Variants in LRRC4C observed in about 807,000 individuals in gnomAD.
The protein encoded by LRRC4C is leucine rich repeat containing 4C, also known as leucine-rich repeat-containing protein 4C.
A neutral mutation model predicts 33.6 loss-of-function variants in LRRC4C; 5 were observed. The observed-to-expected ratio is 0.15, with a 90% confidence interval of 0.08 to 0.31. The LOEUF (loss-of-function observed/expected upper bound fraction) is 0.31. Ranked by LOEUF, LRRC4C falls within the 10% of genes least tolerant of loss-of-function variation. The pLI is 1.00. For synonymous variants in LRRC4C, 329 were observed against 302.0 expected, an observed-to-expected ratio of 1.09 and a Z score of -0.93; for missense variants, 560 against 796.7, an observed-to-expected ratio of 0.70 and a Z score of 3.58.
chr11:40,837,679 A>G (rs1018755636), intron 2 of LRRC4C, among the ~76,000 whole-genome samples: 3 of 17,032 alleles, frequency 1.8e-4, no homozygotes, highest in Non-Finnish European at 5.7e-4. Context: ...GTCTCTTCAA[A>G]AAAAAAAAAA....
At chr11:41,192,334 G>T (rs983458461) in intron 1 of LRRC4C, among the ~76,000 whole-genome samples, 2 of 151,614 alleles carry the variant, frequency 1.3e-5, no homozygotes, top group East Asian at 1.9e-4. Flanking sequence ...GTGTGTGTGT[G>T]TGTGTGTGTG....
intron 2 of LRRC4C, among the ~76,000 whole-genome samples, chr11:40,877,426 G>A (rs563739512): frequency 4.3e-4 from 66 of 152,106 alleles, no homozygotes; most frequent in Non-Finnish European, 8.2e-4. Context: ...TTGTTGCCTC[G>A]TTGTCAACAT....
intron 2 of LRRC4C, among the ~76,000 whole-genome samples, chr11:40,672,347 C>T (rs1206280245): frequency 6.6e-6 from 1 of 152,154 alleles, no homozygotes; most frequent in Non-Finnish European, 1.5e-5. Context: ...AATGCCTCAG[C>T]TCCTAATACC....
chr11:40,682,246 G>T (rs1944725728), intron 2 of LRRC4C, among the ~76,000 whole-genome samples: 1 of 151,148 alleles, frequency 6.6e-6, no homozygotes, highest in Non-Finnish European at 1.5e-5. Context: ...CTCCAGCCTG[G>T]GTGACAAAGT....
intron 4 of LRRC4C, among the ~76,000 whole-genome samples, chr11:40,246,835 T>C (rs1043422539): frequency 2.6e-5 from 4 of 152,304 alleles, no homozygotes; most frequent in African/African-American, 9.6e-5. Flanking sequence ...GTCAGATATA[T>C]GTTCATATTT....
intron 1 of LRRC4C, among the ~76,000 whole-genome samples, chr11:41,265,878 T>TA (rs11397900): frequency 0.69 from 103,960 of 149,888 alleles, 36,656 homozygotes; most frequent in Admixed American, 0.8. Context: ...TTTCTTTTTT[T>TA]AAAAAAAAAA....
At chr11:41,086,347 T>A (rs1208287530) in intron 1 of LRRC4C, among the ~76,000 whole-genome samples, 1 of 152,166 alleles carries the variant, frequency 6.6e-6, no homozygotes, top group Non-Finnish European at 1.5e-5. Context: ...TTGTATTATA[T>A]ATTGTTGTAT....
At chr11:41,135,703 A>G (rs1465185648) in intron 1 of LRRC4C, among the ~76,000 whole-genome samples, 1 of 152,216 alleles carries the variant, frequency 6.6e-6, no homozygotes, top group Non-Finnish European at 1.5e-5. Context: ...TAAATGCTCA[A>G]TAAAAGTGAC....
intron 3 of LRRC4C, among the ~76,000 whole-genome samples, chr11:40,433,767 T>G (rs960875955): frequency 6.6e-5 from 10 of 152,166 alleles, no homozygotes; most frequent in African/African-American, 2.4e-4. Context: ...GTCCAAGGAC[T>G]TAAAGTTTGG....
intron 3 of LRRC4C, among the ~76,000 whole-genome samples, chr11:40,369,236 C>A (rs1419312428): frequency 1.3e-5 from 2 of 152,176 alleles, no homozygotes; most frequent in Non-Finnish European, 2.9e-5. Context: ...AGCTCTGTCT[C>A]CTGCTGTGAA....
At chr11:40,680,139 C>T (rs897465053) in intron 2 of LRRC4C, among the ~76,000 whole-genome samples, 2 of 152,128 alleles carry the variant, frequency 1.3e-5, no homozygotes, top group African/African-American at 2.4e-5. Flanking sequence ...GCTGGATAAT[C>T]GAACTTGCAT....
At chr11:40,789,798 C>G (rs1950555123) in intron 2 of LRRC4C, among the ~76,000 whole-genome samples, 1 of 152,132 alleles carries the variant, frequency 6.6e-6, no homozygotes, top group Admixed American at 6.5e-5. Context: ...AAAATATTCT[C>G]TAGGTTTTGG....
chr11:40,987,423 G>A (rs1446060655), intron 1 of LRRC4C, among the ~76,000 whole-genome samples: 1 of 151,906 alleles, frequency 6.6e-6, no homozygotes, highest in African/African-American at 2.4e-5. Flanking sequence ...TAACCGTCTG[G>A]TTCAAAAGCT....
At chr11:40,122,471 T>C (rs778061364) in intron 6 of LRRC4C, among the ~76,000 whole-genome samples, 3 of 152,072 alleles carry the variant, frequency 2.0e-5, no homozygotes, top group African/African-American at 2.4e-5. Flanking sequence ...CGTGTTCTCA[T>C]TGTTCAGCTC....
chr11:40,983,296 G>C (rs987737202), intron 1 of LRRC4C, among the ~76,000 whole-genome samples: 1 of 152,112 alleles, frequency 6.6e-6, no homozygotes, highest in African/African-American at 2.4e-5. Flanking sequence ...AACCAGCAGT[G>C]TATAAGCATT....
chr11:40,415,124 C>A (rs1950279375), intron 3 of LRRC4C, among the ~76,000 whole-genome samples: 1 of 152,126 alleles, frequency 6.6e-6, no homozygotes, highest in Non-Finnish European at 1.5e-5. Context: ...AAATCACTGA[C>A]CTCGTGCCGT....
At position 40,996,040 on chromosome 11, in the gene LRRC4C, G is replaced by T. The variant is rs551401987; in HGVS notation, c.-495-62317C>A. Among the ~76,000 whole-genome samples, 314 of 152,274 alleles carry T rather than the reference G, an allele frequency of 2.1e-3. 1 individual carries two copies. The highest frequency in any genetic ancestry group is 6.8e-3 in the Middle Eastern group (2 of 294). On this transcript the variant is annotated intron_variant, in intron 1 of 6. Coordinates refer to ENST00000528697, the MANE Select transcript of LRRC4C (RefSeq NM_001258419.2). ...AATTAATTTATTACATAGTTCCACT[G>T]TTCATGAGATTTCCACAATAGGAAT...
At chr11:41,352,475 C>T (rs560131682) in intron 1 of LRRC4C, among the ~76,000 whole-genome samples, 76 of 152,122 alleles carry the variant, frequency 5.0e-4, no homozygotes, top group African/African-American at 1.8e-3. Flanking sequence ...GAAAGACTAA[C>T]AAAGACATTT....
chr11:41,169,736 A>T (rs1202132592), intron 1 of LRRC4C, among the ~76,000 whole-genome samples: 1 of 152,176 alleles, frequency 6.6e-6, no homozygotes, highest in East Asian at 1.9e-4. Context: ...GAGATCCCAG[A>T]TAGCAACTGA....
Sources: allele counts gnomAD v4.1 joint callset (sites outside exome capture counted in the v4.1 genomes callset), GRCh38; gene constraint gnomAD v4.1.1; transcripts MANE v1.5; gene names NCBI Gene and HGNC (gene_info 2026-07-23, HGNC 2026-07-21).